Variants in PAM observed in about 807,000 individuals in gnomAD.
The protein encoded by PAM is peptidylglycine alpha-amidating monooxygenase.
PAM carries 72 observed loss-of-function variants against 122.1 expected under a neutral mutation model. The ratio of observed to expected loss-of-function variants is 0.59; its 90% CI spans 0.49 to 0.72. The LOEUF (loss-of-function observed/expected upper bound fraction) is 0.72. Among genes scored for constraint, PAM ranks in the 30% least tolerant of loss-of-function variants. The pLI is 0.00. For missense variants in PAM, 1,106 were observed against 1,183.7 expected (o/e 0.93, Z 0.96); for synonymous variants, 389 against 404.4 (o/e 0.96, Z 0.46).
At chr5:102,911,949 G>C (rs1315911032) in intron 4 of PAM, among the ~76,000 whole-genome samples, 1 of 151,748 alleles carries the variant, frequency 6.6e-6, no homozygotes. Context: ...ATCCATCCTC[G>C]CAGCTTCAGG....
rs144824134 is a variant in PAM at position 102,969,934 on chromosome 5, C to G, written c.1163-4182C>G. On this transcript the variant is annotated intron_variant, in intron 14 of 25. Transcript: ENST00000438793. ...AGGGACAGACTTCCCAAAACACCAG[C>G]GTTTTTTACATGATGGACGGTAAAA... is the stretch of plus-strand genomic sequence containing the variant. Among the ~76,000 whole-genome samples, 11 of 152,156 alleles carry G rather than the reference C, an allele frequency of 7.2e-5. No individual in the cohort carries two copies. The East Asian group carries it at 2.1e-3, about 29-fold the overall frequency.
intron 1 of PAM, among the ~76,000 whole-genome samples, chr5:102,781,922 G>T (rs1051650214): frequency 1.3e-5 from 2 of 152,106 alleles, no homozygotes; most frequent in African/African-American, 4.8e-5. Context: ...TTATGTAAAT[G>T]AGGCATCAGG....
intron 20 of PAM, among the ~76,000 whole-genome samples, chr5:103,009,198 G>C (rs1779911640): frequency 6.6e-6 from 1 of 151,874 alleles, no homozygotes; most frequent in African/African-American, 2.4e-5. Context: ...TTAAAAAGAT[G>C]GTCTTTTTTA....
intron 4 of PAM, among the ~76,000 whole-genome samples, chr5:102,912,892 T>C (rs1446247333): frequency 2.0e-5 from 3 of 152,040 alleles, no homozygotes; most frequent in Non-Finnish European, 4.4e-5. Flanking sequence ...TGGCACACAG[T>C]AGGTTTGGCA....
chr5:102,900,723 T>C lies in PAM; in HGVS notation c.211-633T>C, dbSNP rs148693347. On this transcript the variant is annotated intron_variant, in intron 3 of 25. Coordinates refer to ENST00000438793, the MANE Select transcript of PAM (RefSeq NM_001177306.2). ...AGGAAGTGGAGTACATTGAATCTCA[T>C]TCTCCTTAAATTGTAATTTTTATCA... 7.2e-5 allele frequency among the ~76,000 whole-genome samples: 11 copies of C among 151,802 alleles called. No individual in the cohort carries two copies. The East Asian group carries it at 2.1e-3, about 30-fold the overall frequency.
intron 21 of PAM, among the ~76,000 whole-genome samples, chr5:103,016,318 G>A (rs1781981542): frequency 6.6e-6 from 1 of 152,172 alleles, no homozygotes. Context: ...TGTCTCATTA[G>A]TACCCTTTGA....
chr5:102,913,859 A>G, intron 4 of PAM, 75 bp from the exon 5 acceptor site: 1 of 834,424 alleles, frequency 1.2e-6, no homozygotes, highest in Non-Finnish European at 2.1e-6. Flanking sequence ...TGAACTGTTC[A>G]AAGATGTATT....
chr5:102,977,656 GCGCACA>G (rs1396585919), intron 15 of PAM, among the ~76,000 whole-genome samples: 3 of 112,980 alleles, frequency 2.7e-5, no homozygotes, highest in Non-Finnish European at 1.8e-5. Context: ...ACATGCATGT[GCGCACA>G]CACACACACA....
intron 1 of PAM, among the ~76,000 whole-genome samples, chr5:102,778,378 G>C (rs1757748965): frequency 6.6e-6 from 1 of 152,124 alleles, no homozygotes; most frequent in Non-Finnish European, 1.5e-5. Context: ...TTTAGACAAG[G>C]AGCATTCAAT....
At chr5:103,011,355 T>TAC (rs1000853111) in intron 21 of PAM, among the ~76,000 whole-genome samples, 1 of 147,472 alleles carries the variant, frequency 6.8e-6, no homozygotes, top group Non-Finnish European at 1.5e-5. Context: ...CACACACACA[T>TAC]ACACACACAC....
chr5:102,903,525 TG>T (rs1311568745), intron 4 of PAM, among the ~76,000 whole-genome samples: 3 of 151,554 alleles, frequency 2.0e-5, no homozygotes, highest in African/African-American at 7.3e-5. Flanking sequence ...TCTATATCTG[TG>T]ACTTAATGAG....
At chr5:102,796,362 G>GT (rs1182688533) in intron 1 of PAM, among the ~76,000 whole-genome samples, 2 of 152,084 alleles carry the variant, frequency 1.3e-5, no homozygotes, top group Non-Finnish European at 2.9e-5. Flanking sequence ...GTACCAAAAT[G>GT]TTTATTTATT....
chr5:102,874,120 T>A (rs1365531699), intron 3 of PAM, among the ~76,000 whole-genome samples: 1 of 152,180 alleles, frequency 6.6e-6, no homozygotes, highest in East Asian at 1.9e-4. Context: ...AATAGCATCG[T>A]TATTAGAAAG....
chr5:102,844,531 A>G (rs992274543), intron 1 of PAM, among the ~76,000 whole-genome samples: 1 of 152,078 alleles, frequency 6.6e-6, no homozygotes, highest in Non-Finnish European at 1.5e-5. Flanking sequence ...AGCTGGGCAT[A>G]GTGGCTCATG....
Position 102,791,350 on chromosome 5 carries a change from A to T in PAM, c.-374+36002A>T, listed in dbSNP as rs548495368. ...ATATTTCTGTGGCAGTCTGTATGAG[A>T]ACACCCATTTCCCAGCCTGAAATTA... is the stretch of plus-strand genomic sequence containing the variant. On this transcript the variant is annotated intron_variant, in intron 1 of 25. Transcript: ENST00000438793. Among the ~76,000 whole-genome samples, 7 of 152,222 alleles carry T rather than the reference A, an allele frequency of 4.6e-5. No individual in the cohort carries two copies. In the East Asian group the frequency reaches 1.3e-3, roughly 29 times the overall value.
At chr5:102,959,790 G>A in intron 12 of PAM, 85 bp from the exon 13 acceptor site, 2 of 800,622 alleles carry the variant, frequency 2.5e-6, no homozygotes, top group East Asian at 2.5e-5. Context: ...TCCATTGCTG[G>A]CAGATCTAAG....
chr5:103,024,988 C>G, intron 23 of PAM, 143 bp from the exon 24 acceptor site: 1 of 599,000 alleles, frequency 1.7e-6, no homozygotes, highest in South Asian at 2.2e-5. Flanking sequence ...TTGGTAGATT[C>G]AGGTATTAAA....
chr5:102,904,969 G>T (rs1799087189), intron 4 of PAM, among the ~76,000 whole-genome samples: 1 of 151,602 alleles, frequency 6.6e-6, no homozygotes, highest in South Asian at 2.1e-4. Flanking sequence ...CATGTGTGAT[G>T]TGTCTATATA....
At chr5:102,859,973 A>G (rs1783703893) in intron 1 of PAM, among the ~76,000 whole-genome samples, 1 of 152,194 alleles carries the variant, frequency 6.6e-6, no homozygotes, top group Non-Finnish European at 1.5e-5. Context: ...ACAGCCAATG[A>G]TGTTCACACA....
Sources: allele counts gnomAD v4.1 joint callset (sites outside exome capture counted in the v4.1 genomes callset), GRCh38; gene constraint gnomAD v4.1.1; transcripts MANE v1.5; gene names NCBI Gene and HGNC (gene_info 2026-07-23, HGNC 2026-07-21).